The following TSNARE1 variants were observed in gnomAD, a reference collection of about 807,000 sequenced individuals.
The protein encoded by TSNARE1 is t-SNARE domain containing 1.
Under a neutral mutation model 62.0 loss-of-function variants are expected in TSNARE1, and 49 were observed. The observed-to-expected ratio is 0.79, with a 90% CI of 0.63 to 1.00. TSNARE1 has a LOEUF of 1.00. Ranked by LOEUF, TSNARE1 falls within the 50% of genes least tolerant of loss-of-function variation. The pLI is 0.00. For missense variants in TSNARE1, 755 were observed against 700.1 expected, an observed-to-expected ratio of 1.08 and a Z score of -0.88; for synonymous variants, 328 against 294.4, an observed-to-expected ratio of 1.11 and a Z score of -1.17.
intron 1 of TSNARE1, among the ~76,000 whole-genome samples, chr8:142,367,375 G>A (rs929746631): frequency 7.2e-5 from 11 of 152,218 alleles, no homozygotes; most frequent in East Asian, 1.9e-4. Context: ...CCTGATGTGC[G>A]TTACAACAGG....
intron 12 of TSNARE1, among the ~76,000 whole-genome samples, chr8:142,250,078 T>G (rs1317934282): frequency 1.3e-5 from 2 of 152,036 alleles, no homozygotes; most frequent in African/African-American, 4.8e-5. Flanking sequence ...TTCTTCAGAG[T>G]GCGCCGCATG....
chr8:142,234,479 G>A (rs1188930874), intron 12 of TSNARE1, among the ~76,000 whole-genome samples: 5 of 151,960 alleles, frequency 3.3e-5, no homozygotes, highest in African/African-American at 1.2e-4. Context: ...ATGGGTTCAG[G>A]GAAAGCTCCA....
intron 11 of TSNARE1, chr8:142,277,284 G>A (rs1393222762): frequency 1.5e-5 from 15 of 985,208 alleles, no homozygotes; most frequent in African/African-American, 5.2e-5. Context: ...AGGGGCCAGA[G>A]AGAGCAGCCT....
intron 12 of TSNARE1, among the ~76,000 whole-genome samples, chr8:142,257,425 CAGG>C (rs1183731469): frequency 1.3e-5 from 2 of 152,144 alleles, no homozygotes; most frequent in African/African-American, 4.8e-5. Flanking sequence ...GACAGGATGT[CAGG>C]TGCTGCCTCC....
In TSNARE1 at chr8:142,343,057, G is replaced by A. The variant is rs147284089; in HGVS notation, c.745+909C>T. On this transcript the variant is annotated intron_variant, in intron 4 of 13. Transcript: ENST00000524325. ...GCAGGAGCTCAGACACTGGGCCCAC[G>A]CTGACCTCCTGCAGACCTCCCTGAC... Among the ~76,000 whole-genome samples, 873 of 152,298 alleles carry A rather than the reference G, an allele frequency of 5.7e-3. 7 individuals are homozygous for A. Among genetic ancestry groups the A allele is most frequent in the Middle Eastern group, 0.017 (5 of 294 alleles).
chr8:142,260,471 C>T (rs548110828), intron 12 of TSNARE1, among the ~76,000 whole-genome samples: 5 of 152,266 alleles, frequency 3.3e-5, no homozygotes, highest in African/African-American at 7.2e-5. Context: ...ATAAACTGGC[C>T]GGGGCCCACG....
intron 1 of TSNARE1, among the ~76,000 whole-genome samples, chr8:142,397,142 G>A (rs990485278): frequency 7.4e-5 from 11 of 148,002 alleles, no homozygotes; most frequent in Non-Finnish European, 1.6e-4. Flanking sequence ...GTGTGGCAGT[G>A]GCGAGGCAGC....
In TSNARE1 at chr8:142,270,293, C is replaced by G. The variant is rs555972522; in HGVS notation, c.1446+4488G>C. On this transcript the variant is annotated intron_variant, in intron 12 of 13. Coordinates refer to ENST00000524325, the MANE Select transcript of TSNARE1 (RefSeq NM_145003.5). ...AGACGCAGGGAAGTGCCCAGGCCCC[C>G]GCAGGGAGGCTGAAAGCAGCGGTGC... The G allele has an allele frequency of 6.2e-5, 61 of 985,384 alleles. No homozygotes were observed. In the South Asian group the frequency reaches 2.3e-3, roughly 36 times the overall value. The allele number at this position is 985,384 out of a possible 1,614,324, so 61.0% of individuals were successfully genotyped here.
chr8:142,221,188 CGAG>C (rs930676305), intron 13 of TSNARE1, among the ~76,000 whole-genome samples: 1 of 152,174 alleles, frequency 6.6e-6, no homozygotes, highest in African/African-American at 2.4e-5. Context: ...GGCGCTGTGG[CGAG>C]GAGTCAGTGA....
At chr8:142,283,899 G>C (rs867261923) in intron 11 of TSNARE1, among the ~76,000 whole-genome samples, 1 of 141,042 alleles carries the variant, frequency 7.1e-6, no homozygotes, top group Non-Finnish European at 1.6e-5. Flanking sequence ...GAACAGAGGC[G>C]GGGCCAGTGT....
intron 10 of TSNARE1, among the ~76,000 whole-genome samples, chr8:142,299,111 C>T (rs1257894272): frequency 6.6e-6 from 1 of 152,220 alleles, no homozygotes; most frequent in Non-Finnish European, 1.5e-5. Context: ...GATGACACCT[C>T]ACAGAGGAGG....
chr8:142,318,571 C>T lies in TSNARE1; in HGVS notation c.957G>A (p.Met319Ile). 6.2e-7 allele frequency: 1 copy of T among 1,613,654 alleles called. No homozygotes were observed. Among genetic ancestry groups the T allele is most frequent in the Non-Finnish European group, 8.5e-7 (1 of 1,180,016 alleles). Residue 319 changes from methionine (M) to isoleucine (I), a missense_variant, in exon 7 of 14, where the codon ATG becomes ATA. Physicochemically the swap from Met to Ile is conservative, Grantham distance 10. Transcript: ENST00000524325. ...GGCAGGAGCTGCGCAGCAGCTCGGC[C>T]ATCTGCTTCACGGAGCTGGCGCTGG... ...IAASASSVKQ[M>I]AELLRSSCPQ...
chr8:142,397,592 A>T (rs1394900743), intron 1 of TSNARE1, among the ~76,000 whole-genome samples: 1 of 152,114 alleles, frequency 6.6e-6, no homozygotes, highest in Non-Finnish European at 1.5e-5. Flanking sequence ...GAGGGAGAAA[A>T]CGAGGCAATC....
At chr8:142,368,132 T>TAA (rs528049154) in intron 1 of TSNARE1, among the ~76,000 whole-genome samples, 1 of 144,878 alleles carries the variant, frequency 6.9e-6, no homozygotes, top group Non-Finnish European at 1.5e-5. Flanking sequence ...TCTGCATGGT[T>TAA]AAAAAAAAAA....
chr8:142,332,290 C>T (rs1831166863), intron 4 of TSNARE1, among the ~76,000 whole-genome samples: 1 of 152,226 alleles, frequency 6.6e-6, no homozygotes. Flanking sequence ...GCCCTGAGCA[C>T]AGCACGCACA....
At chr8:142,374,236 C>T (rs576662287) in intron 1 of TSNARE1, among the ~76,000 whole-genome samples, 9 of 151,044 alleles carry the variant, frequency 6.0e-5, no homozygotes, top group East Asian at 3.9e-4. Context: ...CCCAGGGAGG[C>T]GGAGGTTGCA....
rs183764130 is a variant in TSNARE1 at position 142,400,738 on chromosome 8, C to T, written c.-40+2366G>A. On this transcript the variant is annotated intron_variant, in intron 1 of 13. Transcript: ENST00000524325. Reference sequence around the variant, plus strand: ...CCAAACACCACTCAGAGGGATAAAACGCCCAACAACCTCGGAAGAAATGTG... The same window carrying T: ...CCAAACACCACTCAGAGGGATAAAATGCCCAACAACCTCGGAAGAAATGTG... Among the ~76,000 whole-genome samples, 12 of 152,336 alleles carry T rather than the reference C, an allele frequency of 7.9e-5. No individual in the cohort carries two copies. The East Asian group carries it at 2.1e-3, about 27-fold the overall frequency.
At chr8:142,295,586 C>T (rs1345731997) in intron 10 of TSNARE1, among the ~76,000 whole-genome samples, 1 of 152,254 alleles carries the variant, frequency 6.6e-6, no homozygotes, top group Non-Finnish European at 1.5e-5. Context: ...GGGGGCAGGC[C>T]CCCGTCACTG....
At chr8:142,347,307 C>T (rs1198197072) in intron 2 of TSNARE1, among the ~76,000 whole-genome samples, 1 of 152,162 alleles carries the variant, frequency 6.6e-6, no homozygotes, top group South Asian at 2.1e-4. Flanking sequence ...CAGGCACCCA[C>T]GAAGAGGCAC....
Sources: gnomAD v4.1 joint callset for allele counts (sites outside exome capture counted in the v4.1 genomes callset) on GRCh38, gnomAD v4.1.1 for gene constraint, MANE v1.5 for transcripts, NCBI Gene and HGNC (gene_info 2026-07-23, HGNC 2026-07-21) for gene names.